Variants in ENOX2 observed in about 807,000 individuals in gnomAD.
The protein encoded by ENOX2 is APK1 antigen.
Under a neutral mutation model 45.0 loss-of-function variants are expected in ENOX2, and 36 were observed. The observed-to-expected ratio is 0.80, with a 90% CI of 0.61 to 1.06. The LOEUF (loss-of-function observed/expected upper bound fraction) is 1.06, where lower values mean the gene tolerates loss of function less well. ENOX2 is among the 50% of genes least tolerant of loss of function. The pLI is 0.00. For missense variants in ENOX2, 423 were observed against 462.5 expected (o/e 0.91, Z 0.78); for synonymous variants, 174 against 152.3 (o/e 1.14, Z -1.05).
At chrX:130,805,663 C>T (rs1166749065) in intron 2 of ENOX2, among the ~76,000 whole-genome samples, 1 of 111,650 alleles carries the variant, frequency 9.0e-6, no homozygotes, top group Non-Finnish European at 1.9e-5. Context: ...CATGCTGGGA[C>T]ACATTTTACA....
intron 10 of ENOX2, among the ~76,000 whole-genome samples, chrX:130,641,795 GTCTGGGTGACAGCACATCTGTT>G (rs1271028371): frequency 9.2e-6 from 1 of 108,452 alleles, no homozygotes; most frequent in Non-Finnish European, 1.9e-5. Context: ...GAACAACAAA[GTCTGGGTGACAGCACATCTGTT>G]TACAGTATGG....
intron 9 of ENOX2, among the ~76,000 whole-genome samples, chrX:130,662,971 A>G (rs1208557244): frequency 8.9e-6 from 1 of 111,844 alleles, no homozygotes; most frequent in Non-Finnish European, 1.9e-5. Context: ...CTTTATCATC[A>G]CCACTCTGCC....
chrX:130,746,739 G>C (rs2039105118), intron 3 of ENOX2, among the ~76,000 whole-genome samples: 1 of 111,728 alleles, frequency 9.0e-6, no homozygotes, highest in Non-Finnish European at 1.9e-5. Context: ...AGTGACACTA[G>C]GGTCTAATCA....
At chrX:130,650,629 A>G (rs1247293192) in intron 10 of ENOX2, among the ~76,000 whole-genome samples, 1 of 112,304 alleles carries the variant, frequency 8.9e-6, no homozygotes, top group Non-Finnish European at 1.9e-5. Context: ...AGAGCATAGT[A>G]CAGTGAATGT....
intron 3 of ENOX2, among the ~76,000 whole-genome samples, chrX:130,733,182 C>A (rs181505736): frequency 1.1e-3 from 123 of 111,768 alleles, no homozygotes; most frequent in African/African-American, 3.7e-3. Flanking sequence ...AACAAAGAAA[C>A]TTAACAGCCT....
At chrX:130,758,564 A>C (rs1396931884) in intron 3 of ENOX2, among the ~76,000 whole-genome samples, 1 of 112,634 alleles carries the variant, frequency 8.9e-6, no homozygotes, top group Non-Finnish European at 1.9e-5. Context: ...TTATAAATAA[A>C]AAGCTATAAA....
At chrX:130,805,110 C>G (rs2077279706) in intron 2 of ENOX2, among the ~76,000 whole-genome samples, 1 of 111,626 alleles carries the variant, frequency 9.0e-6, no homozygotes, top group South Asian at 3.8e-4. Context: ...CTGGCACTTT[C>G]ATCTTGGACT....
Position 130,866,151 on chromosome X carries a change from C to T in ENOX2, c.-183+35533G>A, listed in dbSNP as rs184449711. Among the ~76,000 whole-genome samples, 381 of 111,614 alleles carry T rather than the reference C, an allele frequency of 3.4e-3. 1 individual carries two copies. The highest frequency in any genetic ancestry group is 0.012 in the African/African-American group (362 of 30,761). On this transcript the variant is annotated intron_variant, in intron 2 of 14. Coordinates refer to ENST00000394363, the MANE Select transcript of ENOX2 (RefSeq NM_006375.4). ...CACCATTCTCTCAGTCATCTAGTCTCAATATCAATCCTCTTTTCCTAATCA... is the reference window on the plus strand; with the variant it reads ...CACCATTCTCTCAGTCATCTAGTCTTAATATCAATCCTCTTTTCCTAATCA...
At chrX:130,843,115 T>C (rs1202934378) in intron 2 of ENOX2, among the ~76,000 whole-genome samples, 1 of 111,365 alleles carries the variant, frequency 9.0e-6, no homozygotes, top group Non-Finnish European at 1.9e-5. Context: ...TAATCCAGAT[T>C]TTTCTCAGTG....
intron 2 of ENOX2, among the ~76,000 whole-genome samples, chrX:130,846,006 A>T (rs751543024): frequency 8.9e-6 from 1 of 112,143 alleles, no homozygotes; most frequent in Non-Finnish European, 1.9e-5. Flanking sequence ...TCCTATACAA[A>T]TTCCTGCTAT....
intron 3 of ENOX2, among the ~76,000 whole-genome samples, chrX:130,763,413 G>C (rs1291267073): frequency 9.0e-6 from 1 of 111,287 alleles, no homozygotes; most frequent in Non-Finnish European, 1.9e-5. Flanking sequence ...AAATACAGTC[G>C]TGAATCTCCT....
intron 3 of ENOX2, among the ~76,000 whole-genome samples, chrX:130,710,987 G>A (rs1053538123): frequency 1.8e-5 from 2 of 111,810 alleles, no homozygotes; most frequent in South Asian, 3.8e-4. Flanking sequence ...TGAACAAAAC[G>A]TGGAAGAAAA....
chrX:130,764,291 T>G lies in ENOX2; in HGVS notation c.-39+19256A>C, dbSNP rs1046551513. On this transcript the variant is annotated intron_variant, in intron 3 of 14. Transcript: ENST00000394363. ...TTCTGGAAGTGGAAGTTTCCCGATT[T>G]GTCTTAAATTTTAAGATGCTCATGG... Among the ~76,000 whole-genome samples the G allele has an allele frequency of 6.3e-5, 7 of 110,991 alleles. No homozygotes were observed. In the Admixed American group the frequency reaches 6.7e-4, roughly 11 times the overall value.
At chrX:130,736,036 A>G (rs999085411) in intron 3 of ENOX2, among the ~76,000 whole-genome samples, 14 of 111,800 alleles carry the variant, frequency 1.3e-4, no homozygotes, top group African/African-American at 4.6e-4. Context: ...TAAATTTTTA[A>G]GCAGTAGGCA....
chrX:130,708,989 G>A (rs1328972761), intron 3 of ENOX2, among the ~76,000 whole-genome samples: 3 of 112,202 alleles, frequency 2.7e-5, no homozygotes, highest in Non-Finnish European at 5.6e-5. Flanking sequence ...CTGGGGATGA[G>A]AAGATAGCAT....
intron 3 of ENOX2, among the ~76,000 whole-genome samples, chrX:130,723,264 G>A (rs1231220161): frequency 1.8e-5 from 2 of 112,204 alleles, no homozygotes; most frequent in Admixed American, 9.4e-5. Flanking sequence ...AAGCCTTTGC[G>A]ACAGTACTAC....
intron 2 of ENOX2, among the ~76,000 whole-genome samples, chrX:130,861,072 C>CCTG (rs1013574949): frequency 2.7e-5 from 3 of 111,431 alleles, no homozygotes; most frequent in African/African-American, 9.8e-5. Flanking sequence ...TCACCTCACA[C>CCTG]CTGCTTGGGT....
chrX:130,777,925 T>C (rs2039895328), intron 3 of ENOX2, among the ~76,000 whole-genome samples: 1 of 112,223 alleles, frequency 8.9e-6, no homozygotes, highest in Non-Finnish European at 1.9e-5. Flanking sequence ...GTAGGGCTAT[T>C]AGTCTACCCT....
At chrX:130,754,874 T>A (rs1352304452) in intron 3 of ENOX2, among the ~76,000 whole-genome samples, 1 of 111,885 alleles carries the variant, frequency 8.9e-6, no homozygotes, top group African/African-American at 3.2e-5. Flanking sequence ...AACCTGTACC[T>A]GTACCCTTGA....
Sources: gnomAD v4.1 joint callset for allele counts (sites outside exome capture counted in the v4.1 genomes callset) on GRCh38, gnomAD v4.1.1 for gene constraint, MANE v1.5 for transcripts, NCBI Gene and HGNC (gene_info 2026-07-23, HGNC 2026-07-21) for gene names.